The following RSPH1 variants were observed in gnomAD, a reference collection of about 807,000 sequenced individuals.
RSPH1 encodes radial spoke head component 1, also known as radial spoke head 1 homolog.
A neutral mutation model predicts 44.2 loss-of-function variants in RSPH1; 32 were observed. The observed-to-expected ratio is 0.72, with a 90% confidence interval of 0.55 to 0.97. RSPH1 has a LOEUF of 0.97. Among genes scored for constraint, RSPH1 ranks in the 50% least tolerant of loss-of-function variants. RSPH1 has a pLI of 0.00. For synonymous variants in RSPH1, 134 were observed against 147.3 expected (o/e 0.91, Z 0.65); for missense variants, 391 against 398.7 (o/e 0.98, Z 0.16).
rs151158140 is a variant in RSPH1 at position 42,476,042 on chromosome 21, C to T, written c.733G>A (p.Gly245Arg). The T allele has an allele frequency of 5.7e-3, 9,207 of 1,613,710 alleles. 32 individuals carry two copies. The highest frequency in any genetic ancestry group is 7.0e-3 in the Non-Finnish European group (8,222 of 1,179,886). The change falls in exon 8 of 9, where the codon GGA becomes AGA. Residue 245 changes from glycine to arginine, a missense_variant. Transcript: ENST00000291536. Reference protein sequence around the residue: ...GQDAPGAESAGEPGEEAQALL... With the variant: ...GQDAPGAESAREPGEEAQALL... ...GCCTGGGCCTCCTCCCCGGGTTCTC[C>T]TGCACCTGAGATAAAACACAAGTCA... is the stretch of plus-strand genomic sequence containing the variant.
rs1035675966 is a variant in RSPH1 at position 42,472,542 on chromosome 21, T to A, written c.*276A>T. 3.5e-6 allele frequency: 1 copy of A among 284,204 alleles called. No homozygotes were observed. The highest frequency in any genetic ancestry group is 6.5e-6 in the Non-Finnish European group (1 of 154,024). 17.6% of individuals were successfully genotyped at this position (284,204 alleles called of 1,614,324 possible). ...TTTGCATTTGTCAATCAACTTAACA[T>A]ACAGCTGAGAAAGAAAGACTAAAAA... is the stretch of plus-strand genomic sequence containing the variant. On this transcript the variant is annotated 3_prime_UTR_variant, in exon 9 of 9. Transcript: ENST00000291536.
chr21:42,485,878 T>C, intron 4 of RSPH1, 74 bp from the exon 5 acceptor site: 10 of 1,591,318 alleles, frequency 6.3e-6, no homozygotes, highest in South Asian at 1.1e-5. Context: ...AACACAGACA[T>C]TGACATTGAG....
intron 4 of RSPH1, 31 bp from the exon 5 acceptor site, chr21:42,485,835 G>A (rs140673976): frequency 2.7e-5 from 43 of 1,613,136 alleles, no homozygotes; most frequent in Middle Eastern, 1.7e-4. Context: ...ATGGTATTTC[G>A]TTCCAGCACA....
At chr21:42,476,528 C>A (rs554901601) in intron 7 of RSPH1, among the ~76,000 whole-genome samples, 3 of 152,170 alleles carry the variant, frequency 2.0e-5, no homozygotes, top group Non-Finnish European at 4.4e-5. Context: ...GGATCTCACC[C>A]GGGGTAGCCA....
chr21:42,475,840 A>T lies in RSPH1; in HGVS notation c.877+58T>A. Reference sequence around the variant, plus strand: ...CCTTGGTGAAGGGAAGGGGAATCCCACTGTTCGTGGCCCCTAAGTGCGGGC... The same window carrying T: ...CCTTGGTGAAGGGAAGGGGAATCCCTCTGTTCGTGGCCCCTAAGTGCGGGC... On this transcript the variant is annotated intron_variant, in intron 8 of 8. Transcript: ENST00000291536. 8 of 1,578,240 alleles carry T rather than the reference A, an allele frequency of 5.1e-6. No individual in the cohort carries two copies. In the South Asian group the frequency reaches 9.0e-5, roughly 18 times the overall value.
chr21:42,473,886 A>G (rs887688472), intron 8 of RSPH1, among the ~76,000 whole-genome samples: 2 of 152,090 alleles, frequency 1.3e-5, no homozygotes, highest in Non-Finnish European at 2.9e-5. Context: ...GTCTCCAGAC[A>G]TTGCCAAATG....
Position 42,492,759 on chromosome 21 carries a change from T to C in RSPH1, c.273A>G (p.Glu91=). ...ATCTGCTTAGTGATAACATTTTACC[T>C]TCATATCTGGATCCATCTGGATATA... ...TFIYPDGSRY[E]GEWANDLRHG... Residue 91 remains glutamate, a splice_region_variant and synonymous_variant, in exon 3 of 9, where the codon GAA becomes GAG. Coordinates refer to ENST00000291536, the MANE Select transcript of RSPH1 (RefSeq NM_080860.4). 6.4e-7 allele frequency: 1 copy of C among 1,573,154 alleles called. No individual in the cohort carries two copies. The highest frequency in any genetic ancestry group is 8.7e-7 in the Non-Finnish European group (1 of 1,144,580).
At chr21:42,483,531 A>AT (rs960007989) in intron 5 of RSPH1, among the ~76,000 whole-genome samples, 2 of 151,986 alleles carry the variant, frequency 1.3e-5, no homozygotes, top group African/African-American at 4.8e-5. Context: ...GTAAGCCTGC[A>AT]TTTTTTTCAA....
At chr21:42,485,614 G>A in intron 5 of RSPH1, 55 bp downstream of exon 5, 2 of 1,605,384 alleles carry the variant, frequency 1.2e-6, no homozygotes, top group Non-Finnish European at 1.7e-6. Flanking sequence ...TGCACAGGCT[G>A]CCAGAGGGGG....
chr21:42,486,410 T>G lies in RSPH1; in HGVS notation c.326A>C (p.Asn109Thr). The G allele has an allele frequency of 6.2e-7, 1 of 1,614,090 alleles. No homozygotes were observed. The highest frequency in any genetic ancestry group is 8.5e-7 in the Non-Finnish European group (1 of 1,179,950). ...RHGHGVYYYI[N>T]NDTYTGEWFA... ...CCACTCTCCAGTGTAGGTGTCATTA[T>G]TGATGTAGTAGTATACGCCATGGCC... The change falls in exon 4 of 9, where the codon AAT becomes ACT. Residue 109 changes from asparagine to threonine, a missense_variant. Asn to Thr is a moderately conservative substitution (Grantham distance 65, BLOSUM62 0). Coordinates refer to ENST00000291536, the MANE Select transcript of RSPH1 (RefSeq NM_080860.4).
intron 8 of RSPH1, 115 bp from the exon 9 acceptor site, chr21:42,472,985 C>A: frequency 1.5e-6 from 1 of 679,864 alleles, no homozygotes; most frequent in East Asian, 2.9e-5. Flanking sequence ...ATTAAGCATT[C>A]ATCAGTCAAA....
At position 42,478,467 on chromosome 21, in the gene RSPH1, G is replaced by A. The variant is rs181028434; in HGVS notation, c.574-1023C>T. 2.0e-3 allele frequency among the ~76,000 whole-genome samples: 307 copies of A among 152,280 alleles called. 2 individuals are homozygous for A. Among genetic ancestry groups the A allele is most frequent in the African/African-American group, 6.9e-3 (285 of 41,556 alleles). Reference sequence around the variant, plus strand: ...GCCCCACCCCCAGAGTTTCAGATTCGGCAGGTCTGGGATAGCGTCCAATAA... The same window carrying A: ...GCCCCACCCCCAGAGTTTCAGATTCAGCAGGTCTGGGATAGCGTCCAATAA... On this transcript the variant is annotated intron_variant, in intron 6 of 8. Transcript: ENST00000291536.
rs774309844 is a variant in RSPH1, at chr21:42,492,787, A to C, written c.245T>G (p.Phe82Cys). The stretch of plus-strand genomic sequence containing the variant: ...ATATCTGGATCCATCTGGATATATA[A>C]AAGTGCCTTGACCGTGCTTTTTATT... Reference protein sequence around the residue: ...VRNKKHGQGTFIYPDGSRYEG... With the variant: ...VRNKKHGQGTCIYPDGSRYEG... Residue 82 changes from phenylalanine to cysteine, a missense_variant, in exon 3 of 9, where the codon TTT becomes TGT. By Grantham distance (205) the Phe-to-Cys change is radical. Transcript: ENST00000291536. The C allele has an allele frequency of 6.2e-7, 1 of 1,611,224 alleles. No homozygotes were observed. Among genetic ancestry groups the C allele is most frequent in the Non-Finnish European group, 8.5e-7 (1 of 1,177,380 alleles).
chr21:42,485,652 A>C lies in RSPH1; in HGVS notation c.501+17T>G, dbSNP rs755847191. On this transcript the variant is annotated intron_variant, in intron 5 of 8. Transcript: ENST00000291536. Reference sequence around the variant, plus strand: ...ATTTTGTACTTCATTGGCAAATGTCACTTCCCATGGACTTACATTTTTGTT... The same window carrying C: ...ATTTTGTACTTCATTGGCAAATGTCCCTTCCCATGGACTTACATTTTTGTT... 6.2e-7 allele frequency: 1 copy of C among 1,613,920 alleles called. No individual in the cohort carries two copies. Among genetic ancestry groups the C allele is most frequent in the African/African-American group, 1.3e-5 (1 of 74,938 alleles).
In RSPH1 at chr21:42,474,768, G is replaced by A. The variant is rs112129486; in HGVS notation, c.877+1130C>T. Among the ~76,000 whole-genome samples, 6,423 of 148,176 alleles carry A rather than the reference G, an allele frequency of 0.043. 178 individuals carry two copies. Among genetic ancestry groups the A allele is most frequent in the Middle Eastern group, 0.097 (28 of 290 alleles). On this transcript the variant is annotated intron_variant, in intron 8 of 8. Transcript: ENST00000291536. This position sits in a 1 kb window ranked among gnomAD's most constrained non-coding sequence, Gnocchi z 5.2. ...GCGTCACTGGGTGCATTGCTACAGC[G>A]CTCAGGGGAATTACCGATCACGAAA... is the stretch of plus-strand genomic sequence containing the variant.
chr21:42,480,049 G>T (rs1315580076), intron 6 of RSPH1, among the ~76,000 whole-genome samples: 1 of 152,220 alleles, frequency 6.6e-6, no homozygotes, highest in African/African-American at 2.4e-5. Flanking sequence ...GGCCACACAG[G>T]ATTCTGGTCA....
At chr21:42,481,494 C>T (rs930765798) in intron 6 of RSPH1, among the ~76,000 whole-genome samples, 7 of 152,186 alleles carry the variant, frequency 4.6e-5, no homozygotes, top group African/African-American at 7.2e-5. Context: ...AGCCGTTCCC[C>T]GGCTTTCTTC....
intron 4 of RSPH1, 38 bp from the exon 5 acceptor site, chr21:42,485,842 C>G: frequency 6.2e-7 from 1 of 1,612,592 alleles, no homozygotes; most frequent in African/African-American, 1.3e-5. Context: ...TTCGTTCCAG[C>G]ACAGTGAAAA....
At chr21:42,486,260 G>C in intron 4 of RSPH1, 111 bp downstream of exon 4, 1 of 845,950 alleles carries the variant, frequency 1.2e-6, no homozygotes. Flanking sequence ...GGCAGAGTTG[G>C]TAACTGGGCT....
Sources: allele counts gnomAD v4.1 joint callset (sites outside exome capture counted in the v4.1 genomes callset), GRCh38; gene constraint gnomAD v4.1.1; non-coding constraint Gnocchi (gnomAD v3.1); transcripts MANE v1.5; gene names NCBI Gene and HGNC (gene_info 2026-07-23, HGNC 2026-07-21).